The following PALS1 variants were observed in gnomAD, a reference collection of about 807,000 sequenced individuals.
The protein encoded by PALS1 is protein PALS1.
A neutral mutation model predicts 78.9 loss-of-function variants in PALS1; 31 were observed. The observed-to-expected ratio is 0.39, with a 90% CI of 0.30 to 0.53. The LOEUF (loss-of-function observed/expected upper bound fraction) is 0.53, where lower values mean the gene tolerates loss of function less well. Ranked by LOEUF, PALS1 falls within the 20% of genes least tolerant of loss-of-function variation. The probability of loss-of-function intolerance (pLI) is 0.67; values close to 1 mark genes in which losing one functional copy is unlikely to be tolerated. For missense variants in PALS1, 704 were observed against 826.5 expected (o/e 0.85, Z 1.82); for synonymous variants, 276 against 270.9 (o/e 1.02, Z -0.18).
intron 1 of PALS1, among the ~76,000 whole-genome samples, chr14:67,249,481 A>G (rs1235590413): frequency 6.6e-6 from 1 of 152,248 alleles, no homozygotes; most frequent in East Asian, 1.9e-4. Flanking sequence ...CAGATACTTA[A>G]TAAATATTCA....
chr14:67,273,894 G>A (rs1017056694), intron 2 of PALS1, among the ~76,000 whole-genome samples: 9 of 152,162 alleles, frequency 5.9e-5, no homozygotes, highest in African/African-American at 1.9e-4. Flanking sequence ...ATTTTTTCAT[G>A]TGTCTGTTGG....
chr14:67,317,359 T>C, intron 10 of PALS1, 49 bp from the exon 11 acceptor site: 1 of 1,461,734 alleles, frequency 6.8e-7, no homozygotes, highest in East Asian at 2.3e-5. Context: ...AGTTATGTGG[T>C]TTTGTTCACG....
At chr14:67,320,738 G>A (rs1414044747) in intron 12 of PALS1, among the ~76,000 whole-genome samples, 2 of 152,070 alleles carry the variant, frequency 1.3e-5, no homozygotes, top group African/African-American at 2.4e-5. Flanking sequence ...AGATTATATG[G>A]TACCTAATCT....
chr14:67,321,057 A>G lies in PALS1; in HGVS notation c.1538A>G (p.His513Arg). The change falls in exon 13 of 15, where the codon CAT (histidine) becomes CGT (arginine). Residue 513 changes from histidine (H) to arginine (R), a missense_variant and splice_region_variant. Coordinates refer to ENST00000261681, the MANE Select transcript of PALS1 (RefSeq NM_022474.4). ...EKDRFASAVP[H>R]TTRSRRDQEV... ...TTTCTATCTGATTTTGTTTGCCTAGATACAACCCGGAGTAGGCGAGACCAA... is the reference window on the plus strand; with the variant it reads ...TTTCTATCTGATTTTGTTTGCCTAGGTACAACCCGGAGTAGGCGAGACCAA... 1 of 1,614,024 alleles carries G rather than the reference A, an allele frequency of 6.2e-7. No individual in the cohort carries two copies. The highest frequency in any genetic ancestry group is 1.3e-5 in the African/African-American group (1 of 75,042).
intron 14 of PALS1, among the ~76,000 whole-genome samples, chr14:67,324,145 A>T (rs1184728176): frequency 6.6e-6 from 1 of 152,196 alleles, no homozygotes; most frequent in Non-Finnish European, 1.5e-5. Flanking sequence ...CAGGGAGCCA[A>T]ATTTGAGTGC....
intron 14 of PALS1, among the ~76,000 whole-genome samples, chr14:67,331,587 T>C (rs1469805015): frequency 6.6e-6 from 1 of 152,156 alleles, no homozygotes; most frequent in Admixed American, 6.5e-5. Context: ...AATTTTGAGC[T>C]AAAACATTTT....
intron 4 of PALS1, 103 bp downstream of exon 4, chr14:67,292,822 T>TTAACAG: frequency 7.9e-6 from 6 of 760,884 alleles, no homozygotes; most frequent in Non-Finnish European, 1.2e-5. Flanking sequence ...TTTGTTTGAA[T>TTAACAG]TAATTACTGT....
At chr14:67,266,177 T>G (rs72717370) in intron 1 of PALS1, among the ~76,000 whole-genome samples, 3,653 of 152,212 alleles carry the variant, frequency 0.024, 68 homozygotes, top group Non-Finnish European at 0.036. Flanking sequence ...TGTTTAAAAT[T>G]AAAGAAATAT....
At chr14:67,253,705 G>A (rs142961643) in intron 1 of PALS1, among the ~76,000 whole-genome samples, 25 of 152,108 alleles carry the variant, frequency 1.6e-4, no homozygotes, top group Admixed American at 4.6e-4. Context: ...AAATTAGCTG[G>A]GTTTGCATTC....
intron 3 of PALS1, 23 bp from the exon 4 acceptor site, chr14:67,292,488 G>C (rs117059441): frequency 0.015 from 22,546 of 1,491,036 alleles, 212 homozygotes; most frequent in Non-Finnish European, 0.018. Flanking sequence ...TTAATTTTTG[G>C]ATACCTTTTC....
intron 3 of PALS1, among the ~76,000 whole-genome samples, chr14:67,281,346 C>CTGCCTTCAGACATTTTAA (rs1268944361): frequency 6.6e-6 from 1 of 152,116 alleles, no homozygotes; most frequent in Non-Finnish European, 1.5e-5. Context: ...TGCTAAATTC[C>CTGCCTTCAGACATTTTAA]TGCCTTCAGA....
At chr14:67,286,442 A>T (rs1359678648) in intron 3 of PALS1, among the ~76,000 whole-genome samples, 1 of 152,148 alleles carries the variant, frequency 6.6e-6, no homozygotes, top group Non-Finnish European at 1.5e-5. Flanking sequence ...GTTACATCTG[A>T]ATGGATTTTT....
intron 3 of PALS1, among the ~76,000 whole-genome samples, chr14:67,291,403 G>A (rs543122106): frequency 5.3e-5 from 8 of 151,648 alleles, no homozygotes; most frequent in African/African-American, 1.5e-4. Context: ...CTCCTGCCTC[G>A]CCTCCGAAGT....
intron 4 of PALS1, among the ~76,000 whole-genome samples, chr14:67,295,310 C>A (rs947639567): frequency 2.6e-5 from 4 of 151,488 alleles, no homozygotes; most frequent in African/African-American, 9.7e-5. Context: ...CATGGTGAAA[C>A]CTGGTCTCTA....
chr14:67,297,597 C>G (rs963256111), intron 4 of PALS1, among the ~76,000 whole-genome samples: 2 of 152,098 alleles, frequency 1.3e-5, no homozygotes, highest in Non-Finnish European at 2.9e-5. Flanking sequence ...TGTGGAAAGT[C>G]AGTGGAAACA....
At position 67,280,839 on chromosome 14, in the gene PALS1, CCTTCCT is replaced by C. The variant is rs1372826474; in HGVS notation, c.367+1303_367+1308del. ...TCCTTCCTTCCTTCCTTCCTTCCTT[CCTTCCT>C]TCCTTCCTTCCCTCCCTCCCTCCCT... On this transcript the variant is annotated intron_variant, in intron 3 of 14. Transcript: ENST00000261681. 8.8e-4 allele frequency among the ~76,000 whole-genome samples: 120 copies of C among 135,986 alleles called. 1 individual carries two copies. Among genetic ancestry groups the C allele is most frequent in the Admixed American group, 1.2e-3 (16 of 13,162 alleles). 89.2% of individuals were successfully genotyped at this position (135,986 alleles called of 152,430 possible). A position where few individuals can be genotyped will look rare whatever the true frequency, so the allele number is the denominator to read the frequency against.
At chr14:67,282,055 T>C (rs1041798704) in intron 3 of PALS1, among the ~76,000 whole-genome samples, 1 of 152,198 alleles carries the variant, frequency 6.6e-6, no homozygotes, top group African/African-American at 2.4e-5. Context: ...AAATAAATGA[T>C]ATATTTTATG....
intron 1 of PALS1, among the ~76,000 whole-genome samples, chr14:67,265,606 C>T (rs2084310510): frequency 1.3e-5 from 2 of 151,826 alleles, no homozygotes; most frequent in Non-Finnish European, 2.9e-5. Flanking sequence ...CCTGTAATCC[C>T]AGCATTTTGG....
chr14:67,292,552 A>G lies in PALS1; in HGVS notation c.409A>G (p.Thr137Ala), dbSNP rs2084788613. The change falls in exon 4 of 15, where the codon ACT (threonine) becomes GCT (alanine). Residue 137 changes from threonine (T) to alanine (A), a missense_variant. Thr to Ala is a moderately conservative substitution (Grantham distance 58). Transcript: ENST00000261681. ...TTCTTCACTTAAACATATCCAACAT[A>G]CTTTGGTAGATTCTCAGAGCCAGGA... ...LFSSLKHIQHTLVDSQSQEDI... is the reference protein window; with the variant it reads ...LFSSLKHIQHALVDSQSQEDI... 8.1e-6 allele frequency: 13 copies of G among 1,613,322 alleles called. No homozygotes were observed. The highest frequency in any genetic ancestry group is 1.0e-5 in the Non-Finnish European group (12 of 1,179,470).
Sources: allele counts gnomAD v4.1 joint callset (sites outside exome capture counted in the v4.1 genomes callset), GRCh38; gene constraint gnomAD v4.1.1; transcripts MANE v1.5; gene names NCBI Gene and HGNC (gene_info 2026-07-23, HGNC 2026-07-21).